Variants in TAMM41 observed in about 807,000 individuals in gnomAD.
The protein encoded by TAMM41 is TAM41 mitochondrial translocator assembly and maintenance homolog.
A neutral mutation model predicts 44.1 loss-of-function variants in TAMM41; 36 were observed. That is an observed-to-expected ratio of 0.82 (90% CI 0.63 to 1.08). TAMM41 has a LOEUF of 1.08. Among genes scored for constraint, TAMM41 ranks in the 50% least tolerant of loss-of-function variants. The probability of loss-of-function intolerance (pLI) is 0.00; values close to 1 mark genes in which losing one functional copy is unlikely to be tolerated. For missense variants in TAMM41, 417 were observed against 404.3 expected (o/e 1.03, Z -0.27); for synonymous variants, 164 against 153.1 (o/e 1.07, Z -0.53).
intron 4 of TAMM41, 101 bp downstream of exon 4, chr3:11,829,613 T>C: frequency 7.3e-7 from 1 of 1,378,890 alleles, no homozygotes; most frequent in Non-Finnish European, 1.0e-6. Flanking sequence ...GATTTACAAC[T>C]AAGACTGTAG....
the TAMM41 span, among the ~76,000 whole-genome samples, chr3:11,758,484 TG>T: frequency 1.3e-5 from 2 of 152,012 alleles, no homozygotes; most frequent in African/African-American, 4.8e-5. Context: ...CCTGAGTAGC[TG>T]GGATTACATG....
chr3:11,794,493 C>T (rs1366213435), intron 7 of TAMM41, among the ~76,000 whole-genome samples: 1 of 152,210 alleles, frequency 6.6e-6, no homozygotes, highest in Non-Finnish European at 1.5e-5. Context: ...ATTCTGCTCA[C>T]TCCTTCCCCA....
the TAMM41 span, among the ~76,000 whole-genome samples, chr3:11,736,327 T>G: frequency 3.7e-4 from 57 of 152,304 alleles, no homozygotes; most frequent in Admixed American, 2.2e-3. Flanking sequence ...CCATCCCTCA[T>G]GCTCAGAGCA....
intron 7 of TAMM41, among the ~76,000 whole-genome samples, chr3:11,805,930 T>C (rs117353730): frequency 0.014 from 2,107 of 152,328 alleles, 47 homozygotes; most frequent in East Asian, 0.089. Context: ...TGGGAGGTAA[T>C]TGAATCACGA....
the TAMM41 span, among the ~76,000 whole-genome samples, chr3:11,776,012 ATTAAT>A: frequency 3.7e-5 from 4 of 106,994 alleles, no homozygotes; most frequent in African/African-American, 4.3e-5. Context: ...TTTTTAATTA[ATTAAT>A]TTTTTTTTTT....
intron 5 of TAMM41, chr3:11,809,916 G>C: frequency 8.2e-6 from 3 of 366,822 alleles, no homozygotes. Flanking sequence ...TTCTACCTGA[G>C]AAAAGAATAG....
the TAMM41 span, among the ~76,000 whole-genome samples, chr3:11,730,658 TG>T: frequency 6.6e-6 from 1 of 151,208 alleles, no homozygotes; most frequent in Non-Finnish European, 1.5e-5. Context: ...CACTTGAACC[TG>T]GGAGGCGGAG....
chr3:11,817,600 G>C (rs940484844), intron 4 of TAMM41, among the ~76,000 whole-genome samples: 1 of 152,188 alleles, frequency 6.6e-6, no homozygotes, highest in African/African-American at 2.4e-5. Context: ...AATCACAAGC[G>C]AGTAGCTAAC....
the TAMM41 span, among the ~76,000 whole-genome samples, chr3:11,769,757 G>C: frequency 6.6e-6 from 1 of 152,232 alleles, no homozygotes; most frequent in African/African-American, 2.4e-5. Context: ...GGTGAGGGAA[G>C]TGCAACCAAG....
chr3:11,844,992 TGGAAGCACTGGG>T (rs57720460), intron 1 of TAMM41: 240 of 456,654 alleles, frequency 5.3e-4, no homozygotes, highest in African/African-American at 3.1e-3. Flanking sequence ...ACAGACTTGC[TGGAAGCACTGGG>T]GGAAGCACAG....
chr3:11,815,436 T>A (rs2078241799), intron 5 of TAMM41, among the ~76,000 whole-genome samples: 1 of 152,072 alleles, frequency 6.6e-6, no homozygotes, highest in Non-Finnish European at 1.5e-5. Context: ...GTTTTACGGA[T>A]CTGTCAAGAG....
At position 11,813,906 on chromosome 3, in the gene TAMM41, ATG is replaced by A. The variant is rs1181584768; in HGVS notation, c.708+3284_708+3285del. On this transcript the variant is annotated intron_variant, in intron 5 of 7. Transcript: ENST00000455809. ...TGTATATATGTGTATATATGTATAT[ATG>A]TGTGTATATATGTATATATGTGTGT... is the stretch of plus-strand genomic sequence containing the variant. Among the ~76,000 whole-genome samples, 666 of 136,118 alleles carry A rather than the reference ATG, an allele frequency of 4.9e-3. 1 individual carries two copies. Among genetic ancestry groups the A allele is most frequent in the African/African-American group, 0.018 (574 of 31,496 alleles). The allele number at this position is 136,118 out of a possible 152,430, so 89.3% of individuals were successfully genotyped here.
At chr3:11,724,115 T>A in the TAMM41 span, among the ~76,000 whole-genome samples, 2 of 151,780 alleles carry the variant, frequency 1.3e-5, no homozygotes, top group Non-Finnish European at 2.9e-5. Context: ...TTATTTATTT[T>A]TTATTTTTGA....
intron 3 of TAMM41, among the ~76,000 whole-genome samples, chr3:11,831,290 G>A (rs1347837780): frequency 6.6e-6 from 1 of 152,136 alleles, no homozygotes; most frequent in Non-Finnish European, 1.5e-5. Context: ...TTTCTAACAA[G>A]TTCTTAAGCA....
At chr3:11,781,783 A>ATAC in the TAMM41 span, among the ~76,000 whole-genome samples, 3 of 39,494 alleles carry the variant, frequency 7.6e-5, no homozygotes, top group African/African-American at 3.3e-4. Context: ...AATAATAATC[A>ATAC]TACAAATAAG....
At chr3:11,800,229 G>A (rs915280970) in intron 7 of TAMM41, among the ~76,000 whole-genome samples, 4 of 151,526 alleles carry the variant, frequency 2.6e-5, no homozygotes, top group Non-Finnish European at 4.4e-5. Flanking sequence ...AAAACACAAG[G>A]ACAAAAAGAG....
intron 7 of TAMM41, among the ~76,000 whole-genome samples, chr3:11,794,989 G>A (rs1413187784): frequency 1.3e-5 from 2 of 152,142 alleles, no homozygotes; most frequent in Admixed American, 6.6e-5. Flanking sequence ...AAGCAAATCA[G>A]CAACAGAGCA....
chr3:11,826,329 T>C (rs2078747608), intron 4 of TAMM41, among the ~76,000 whole-genome samples: 1 of 152,026 alleles, frequency 6.6e-6, no homozygotes, highest in African/African-American at 2.4e-5. Flanking sequence ...AGCTCAGGAA[T>C]TCGAGACCAG....
the TAMM41 span, among the ~76,000 whole-genome samples, chr3:11,783,164 T>C: frequency 1.3e-5 from 2 of 152,230 alleles, no homozygotes; most frequent in Non-Finnish European, 2.9e-5. Flanking sequence ...TAGTGGTCAC[T>C]TGGGCTCTGA....
Sources: gnomAD v4.1 joint callset for allele counts (sites outside exome capture counted in the v4.1 genomes callset) on GRCh38, gnomAD v4.1.1 for gene constraint, MANE v1.5 for transcripts, NCBI Gene and HGNC (gene_info 2026-07-23, HGNC 2026-07-21) for gene names.